COBL: variants seen among roughly 807,000 people sequenced by gnomAD.
COBL encodes protein cordon-bleu.
In COBL, 51 loss-of-function variants were observed where a neutral mutation model predicts 98.8. That is an observed-to-expected ratio of 0.52 (90% CI 0.41 to 0.65). The LOEUF (loss-of-function observed/expected upper bound fraction) is 0.65. COBL is among the 30% of genes least tolerant of loss of function. The probability of loss-of-function intolerance (pLI) is 0.00; values close to 1 mark genes in which losing one functional copy is unlikely to be tolerated. For synonymous variants in COBL, 634 were observed against 651.7 expected (o/e 0.97, Z 0.41); for missense variants, 1,617 against 1,617.5 (o/e 1.00, Z 0.01).
intron 7 of COBL, among the ~76,000 whole-genome samples, chr7:51,063,913 A>C (rs529843327): frequency 6.6e-6 from 1 of 152,348 alleles, no homozygotes; most frequent in Admixed American, 6.5e-5. Context: ...GAAGAAACTC[A>C]GGCACAGAGA....
At chr7:51,051,304 A>T (rs530294738) in intron 7 of COBL, among the ~76,000 whole-genome samples, 1 of 152,318 alleles carries the variant, frequency 6.6e-6, no homozygotes, top group East Asian at 1.9e-4. Context: ...GTAAAATTTT[A>T]TCTGTGGATT....
At chr7:51,184,692 A>G (rs1789316761) in intron 4 of COBL, among the ~76,000 whole-genome samples, 1 of 152,220 alleles carries the variant, frequency 6.6e-6, no homozygotes, top group Admixed American at 6.5e-5. Flanking sequence ...AGTCTTCACA[A>G]TCCAGCAGCC....
At chr7:51,157,945 T>TA (rs1786357751) in intron 5 of COBL, among the ~76,000 whole-genome samples, 2 of 152,214 alleles carry the variant, frequency 1.3e-5, no homozygotes, top group African/African-American at 4.8e-5. Context: ...TGTTAAAACA[T>TA]ACAAAATATG....
At chr7:51,266,381 C>T (rs1240243896) in intron 1 of COBL, among the ~76,000 whole-genome samples, 2 of 152,246 alleles carry the variant, frequency 1.3e-5, no homozygotes, top group East Asian at 3.9e-4. Flanking sequence ...GAGTTTGAGA[C>T]CATCCTGACC....
intron 7 of COBL, among the ~76,000 whole-genome samples, chr7:51,053,680 C>T (rs1583622771): frequency 6.6e-6 from 1 of 152,210 alleles, no homozygotes; most frequent in Admixed American, 6.5e-5. Flanking sequence ...TCCCAAGCGC[C>T]CGTCCCTGTG....
chr7:51,296,679 G>GT (rs1801445364), intron 1 of COBL, among the ~76,000 whole-genome samples: 1 of 152,206 alleles, frequency 6.6e-6, no homozygotes, highest in South Asian at 2.1e-4. Context: ...TTGCAAGGAT[G>GT]TATGGGCATT....
At chr7:51,235,146 T>C (rs1447010018) in intron 1 of COBL, among the ~76,000 whole-genome samples, 1 of 152,084 alleles carries the variant, frequency 6.6e-6, no homozygotes, top group Non-Finnish European at 1.5e-5. Context: ...TCCACCATGC[T>C]CTGAAGTCAA....
intron 1 of COBL, among the ~76,000 whole-genome samples, chr7:51,315,271 A>AAAG (rs200099399): frequency 4.4e-4 from 67 of 151,882 alleles, no homozygotes; most frequent in Non-Finnish European, 8.5e-4. Context: ...AAAAAAAAAA[A>AAAG]AGAGAGAGAG....
intron 6 of COBL, among the ~76,000 whole-genome samples, chr7:51,121,809 T>C (rs769250298): frequency 2.0e-5 from 3 of 152,226 alleles, no homozygotes; most frequent in Non-Finnish European, 2.9e-5. Flanking sequence ...ATCATGAATA[T>C]ACATATAAAG....
At chr7:51,120,066 G>A (rs989382972) in intron 6 of COBL, among the ~76,000 whole-genome samples, 2 of 152,190 alleles carry the variant, frequency 1.3e-5, no homozygotes, top group African/African-American at 2.4e-5. Context: ...TTTGGCCACA[G>A]TCCTGTTTGG....
chr7:51,293,447 A>G (rs1368091636), intron 1 of COBL, among the ~76,000 whole-genome samples: 1 of 152,256 alleles, frequency 6.6e-6, no homozygotes, highest in Non-Finnish European at 1.5e-5. Context: ...ACACCATGAA[A>G]TCATCATGCC....
At chr7:51,290,391 C>G (rs1800781711) in intron 1 of COBL, among the ~76,000 whole-genome samples, 1 of 152,248 alleles carries the variant, frequency 6.6e-6, no homozygotes, top group East Asian at 1.9e-4. Flanking sequence ...AGGGTCCTTT[C>G]CAGCAGAGAT....
chr7:51,237,993 A>C (rs755870034), intron 1 of COBL, among the ~76,000 whole-genome samples: 10 of 152,178 alleles, frequency 6.6e-5, no homozygotes, highest in Admixed American at 3.3e-4. Context: ...TACACCCTCC[A>C]GGGCATGCCC....
intron 1 of COBL, among the ~76,000 whole-genome samples, chr7:51,221,921 C>T (rs1426104873): frequency 3.3e-5 from 5 of 152,346 alleles, no homozygotes; most frequent in Middle Eastern, 3.4e-3. Flanking sequence ...GGTGTGGTGG[C>T]TCATGCCTGT....
At chr7:51,090,835 C>T (rs190621255) in intron 6 of COBL, among the ~76,000 whole-genome samples, 13 of 152,210 alleles carry the variant, frequency 8.5e-5, no homozygotes, top group Non-Finnish European at 1.9e-4. Flanking sequence ...TGACTGAAGG[C>T]TTTAGAAAAT....
At chr7:51,055,283 A>G (rs963666782) in intron 7 of COBL, among the ~76,000 whole-genome samples, 3 of 152,148 alleles carry the variant, frequency 2.0e-5, no homozygotes, top group Admixed American at 6.5e-5. Context: ...CACTAATAGC[A>G]TGTCCTTCCA....
chr7:51,024,939 C>G (rs1239505679), intron 12 of COBL, among the ~76,000 whole-genome samples, 170 bp downstream of exon 12: 1 of 152,190 alleles, frequency 6.6e-6, no homozygotes, highest in African/African-American at 2.4e-5. Context: ...GAGCCTTCAT[C>G]TGCCACTCTG....
At chr7:51,259,607 G>A in intron 1 of COBL, 1 of 745,286 alleles carries the variant, frequency 1.3e-6, no homozygotes, top group South Asian at 1.4e-5. Context: ...TTTCATGAAT[G>A]AGGTCTTCCA....
intron 1 of COBL, among the ~76,000 whole-genome samples, chr7:51,277,475 T>C (rs557739377): frequency 2.0e-5 from 3 of 152,282 alleles, no homozygotes; most frequent in African/African-American, 4.8e-5. Flanking sequence ...AATATATCTT[T>C]AAAAATTGAC....
Sources: allele counts gnomAD v4.1 joint callset (sites outside exome capture counted in the v4.1 genomes callset), GRCh38; gene constraint gnomAD v4.1.1; transcripts MANE v1.5; gene names NCBI Gene and HGNC (gene_info 2026-07-23, HGNC 2026-07-21).